The following EMB variants were observed in gnomAD, a reference collection of about 807,000 sequenced individuals.
EMB encodes the protein embigin homolog.
EMB carries 31 observed loss-of-function variants against 41.4 expected under a neutral mutation model. That is an observed-to-expected ratio of 0.75 (90% confidence interval 0.56 to 1.01). EMB has a LOEUF of 1.01. Ranked by LOEUF, EMB falls within the 50% of genes least tolerant of loss-of-function variation. The pLI is 0.00. For synonymous variants in EMB, 137 were observed against 140.4 expected, an observed-to-expected ratio of 0.98 and a Z score of 0.17; for missense variants, 379 against 388.3, an observed-to-expected ratio of 0.98 and a Z score of 0.20.
Position 50,428,715 on chromosome 5 carries a change from C to T in EMB, c.113-488G>A, listed in dbSNP as rs1579740818. The T allele has an allele frequency of 4.1e-6, 4 of 985,122 alleles. No individual in the cohort carries two copies. The South Asian group carries it at 1.4e-4, about 35-fold the overall frequency. The allele number at this position is 985,122 out of a possible 1,614,324, so 61.0% of individuals were successfully genotyped here. On this transcript the variant is annotated intron_variant, in intron 1 of 8. Coordinates refer to ENST00000303221, the MANE Select transcript of EMB (RefSeq NM_198449.3). Reference sequence around the variant, plus strand: ...ATGGCTGACGGGCCAGTTTGGGTTGCTATTTGTTTTCTAGCTACGGTTACC... The same window carrying T: ...ATGGCTGACGGGCCAGTTTGGGTTGTTATTTGTTTTCTAGCTACGGTTACC...
At position 50,428,615 on chromosome 5, in the gene EMB, G is replaced by T. The variant is rs13361719; in HGVS notation, c.113-388C>A. On this transcript the variant is annotated intron_variant, in intron 1 of 8. Transcript: ENST00000303221. ...CAGAGAGAGAAGATGAAAGAAGAGC[G>T]ACAGGCAGACCTTAATAAAGAGAAT... 334 of 987,150 alleles carry T rather than the reference G, an allele frequency of 3.4e-4. 1 individual carries two copies. The highest frequency in any genetic ancestry group is 1.0e-3 in the Middle Eastern group (2 of 1,920). 61.1% of individuals were successfully genotyped at this position (987,150 alleles called of 1,614,324 possible).
intron 1 of EMB, among the ~76,000 whole-genome samples, chr5:50,430,919 C>T (rs943794973): frequency 2.6e-5 from 4 of 152,126 alleles, no homozygotes; most frequent in Non-Finnish European, 5.9e-5. Flanking sequence ...CTAAGTTTGG[C>T]TTTGGCAGAA....
intron 1 of EMB, among the ~76,000 whole-genome samples, chr5:50,438,510 C>T (rs543465069): frequency 2.6e-4 from 40 of 152,248 alleles, no homozygotes; most frequent in African/African-American, 9.1e-4. Context: ...AAAATGCTAA[C>T]TCATAGGGCT....
At chr5:50,400,828 C>G (rs151238265) in intron 7 of EMB, among the ~76,000 whole-genome samples, 1 of 152,064 alleles carries the variant, frequency 6.6e-6, no homozygotes, top group Non-Finnish European at 1.5e-5. Flanking sequence ...ATCCATTTTA[C>G]ATTGTTCAGA....
Position 50,399,085 on chromosome 5 carries a change from T to A in EMB, c.*188A>T. ...TGATTTACATTGCTTTTATGTAACA[T>A]AATTACAGAATGAAAATATACCTTT... On this transcript the variant is annotated 3_prime_UTR_variant, in exon 9 of 9. Coordinates refer to ENST00000303221, the MANE Select transcript of EMB (RefSeq NM_198449.3). 1 of 652,966 alleles carries A rather than the reference T, an allele frequency of 1.5e-6. No homozygotes were observed. Among genetic ancestry groups the A allele is most frequent in the Non-Finnish European group, 2.4e-6 (1 of 421,282 alleles). The allele number at this position is 652,966 out of a possible 1,614,324, so 40.4% of individuals were successfully genotyped here. A position where few individuals can be genotyped will look rare whatever the true frequency, so the allele number is the denominator to read the frequency against.
Position 50,403,391 on chromosome 5 carries a change from G to A in EMB, c.664C>T (p.Leu222=). 1 of 1,612,534 alleles carries A rather than the reference G, an allele frequency of 6.2e-7. No homozygotes were observed. The highest frequency in any genetic ancestry group is 8.5e-7 in the Non-Finnish European group (1 of 1,179,086). The change falls in exon 6 of 9, where the codon CTG becomes TTG. Residue 222 remains leucine (L), a synonymous_variant. Coordinates refer to ENST00000303221, the MANE Select transcript of EMB (RefSeq NM_198449.3). The stretch of plus-strand genomic sequence containing the variant: ...TCCTCCAAAAGTTGTGTTATCTTCA[G>A]CTTTGTTTCGTTAGCATATGTTCCA... ...INGTYANETK[L]KITQLLEEDG... is the part of the protein sequence containing the mutation.
In EMB at chr5:50,425,497, GA is replaced by G. The variant is rs35840460; in HGVS notation, c.196+2646del. Among the ~76,000 whole-genome samples the G allele has an allele frequency of 2.7e-5, 4 of 149,638 alleles. No homozygotes were observed. In the South Asian group the frequency reaches 8.5e-4, roughly 32 times the overall value. On this transcript the variant is annotated intron_variant, in intron 2 of 8. Coordinates refer to ENST00000303221, the MANE Select transcript of EMB (RefSeq NM_198449.3). ...CAACTAAACACTAATATGCAGAGAG[GA>G]AAAAAACAAAAAAAATATATTGTGG...
At chr5:50,440,482 G>A (rs182518405) in intron 1 of EMB, among the ~76,000 whole-genome samples, 2 of 139,826 alleles carry the variant, frequency 1.4e-5, no homozygotes, top group African/African-American at 5.4e-5. Context: ...GCGGTGAGCC[G>A]AGATCACGCC....
At chr5:50,413,790 C>G (rs1342511353) in intron 2 of EMB, among the ~76,000 whole-genome samples, 1 of 152,014 alleles carries the variant, frequency 6.6e-6, no homozygotes, top group Non-Finnish European at 1.5e-5. Context: ...GTTGGCCAGG[C>G]TAGTCTCAAA....
upstream of EMB, among the ~76,000 whole-genome samples, chr5:50,442,278 T>C (rs1376511025): frequency 2.0e-5 from 3 of 152,208 alleles, no homozygotes; most frequent in African/African-American, 7.2e-5. Flanking sequence ...CCTGTGTTTA[T>C]TCCAGGCAGG....
Position 50,428,263 on chromosome 5 carries a change from T to C in EMB, c.113-36A>G, listed in dbSNP as rs780366428. ...AAGAACACATGATTACACACTCTTA[T>C]CAAGAGTAAATGACTATCTAAAAAC... On this transcript the variant is annotated intron_variant, in intron 1 of 8. Transcript: ENST00000303221. 9 of 1,466,902 alleles carry C rather than the reference T, an allele frequency of 6.1e-6. No individual in the cohort carries two copies. The South Asian group carries it at 1.0e-4, about 17-fold the overall frequency. 90.9% of individuals were successfully genotyped at this position (1,466,902 alleles called of 1,614,324 possible).
intron 1 of EMB, among the ~76,000 whole-genome samples, chr5:50,431,481 G>T (rs576304582): frequency 6.6e-6 from 1 of 152,296 alleles, no homozygotes; most frequent in Admixed American, 6.5e-5. Flanking sequence ...GTCACAAAAA[G>T]AAGTATAAAA....
In EMB at chr5:50,421,107, C is replaced by T. The variant is rs553579677; in HGVS notation, c.196+7037G>A. ...AAAATGAGATCTAAATCACAGACGG[C>T]AATAGTATAAAAACATTAATTTTCC... On this transcript the variant is annotated intron_variant, in intron 2 of 8. Transcript: ENST00000303221. Among the ~76,000 whole-genome samples, 308 of 152,146 alleles carry T rather than the reference C, an allele frequency of 2.0e-3. 2 individuals carry two copies. Among genetic ancestry groups the T allele is most frequent in the African/African-American group, 7.2e-3 (297 of 41,508 alleles).
At chr5:50,407,741 G>A (rs1391176244) in intron 4 of EMB, among the ~76,000 whole-genome samples, 1 of 151,956 alleles carries the variant, frequency 6.6e-6, no homozygotes, top group Non-Finnish European at 1.5e-5. Context: ...GTATTCTAAT[G>A]TGCCCTGTCG....
In EMB at chr5:50,441,212, T is replaced by C. The variant is rs1745906429; in HGVS notation, c.-61A>G. The C allele has an allele frequency of 9.4e-7, 1 of 1,066,490 alleles. No individual in the cohort carries two copies. Among genetic ancestry groups the C allele is most frequent in the Non-Finnish European group, 1.2e-6 (1 of 804,222 alleles). 66.1% of individuals were successfully genotyped at this position (1,066,490 alleles called of 1,614,324 possible). ...TGCTCCCTCAGCTCGCCGCCGCGGG[T>C]GTCCAGAGTCCCTGCGCACACTCGC... On this transcript the variant is annotated 5_prime_UTR_variant, in exon 1 of 9. Transcript: ENST00000303221.
At chr5:50,405,392 G>T (rs1333753893) in intron 5 of EMB, among the ~76,000 whole-genome samples, 1 of 151,808 alleles carries the variant, frequency 6.6e-6, no homozygotes, top group Non-Finnish European at 1.5e-5. Context: ...TTTTTAAAAA[G>T]AATATTTTCT....
intron 2 of EMB, among the ~76,000 whole-genome samples, chr5:50,417,710 T>C (rs1328925746): frequency 6.6e-6 from 1 of 152,172 alleles, no homozygotes; most frequent in African/African-American, 2.4e-5. Flanking sequence ...TCAAGACCTA[T>C]GAACTATGTG....
At chr5:50,414,651 C>T (rs1249265855) in intron 2 of EMB, among the ~76,000 whole-genome samples, 2 of 151,526 alleles carry the variant, frequency 1.3e-5, no homozygotes, top group Non-Finnish European at 2.9e-5. Context: ...ACAGCTCGTG[C>T]AAAGTGCTTT....
chr5:50,428,342 T>A, intron 1 of EMB, 115 bp from the exon 2 acceptor site: 1 of 1,265,864 alleles, frequency 7.9e-7, no homozygotes, highest in South Asian at 1.8e-5. Flanking sequence ...AACTGTGTTT[T>A]CAGGAAGCTC....
Sources: gnomAD v4.1 joint callset for allele counts (sites outside exome capture counted in the v4.1 genomes callset) on GRCh38, gnomAD v4.1.1 for gene constraint, MANE v1.5 for transcripts, NCBI Gene and HGNC (gene_info 2026-07-23, HGNC 2026-07-21) for gene names.